Variants in SH3GL2 observed in about 807,000 individuals in gnomAD.
The protein encoded by SH3GL2 is SH3 domain containing GRB2 like 2, endophilin A1.
Under a neutral mutation model 46.0 loss-of-function variants are expected in SH3GL2, and 24 were observed. The ratio of observed to expected loss-of-function variants is 0.52; its 90% CI spans 0.38 to 0.73. SH3GL2 has a LOEUF of 0.73. Ranked by LOEUF, SH3GL2 falls within the 30% of genes least tolerant of loss-of-function variation. The pLI is 0.00. For synonymous variants in SH3GL2, 196 were observed against 147.1 expected (o/e 1.33, Z -2.40); for missense variants, 413 against 424.2 (o/e 0.97, Z 0.23).
At chr9:17,762,528 C>G (rs1456459696) in intron 3 of SH3GL2, among the ~76,000 whole-genome samples, 5 of 152,110 alleles carry the variant, frequency 3.3e-5, no homozygotes, top group Non-Finnish European at 7.3e-5. Flanking sequence ...TCACCTATGA[C>G]CAGCCCAGCT....
intron 2 of SH3GL2, among the ~76,000 whole-genome samples, chr9:17,751,427 A>C (rs1822839343): frequency 6.6e-6 from 1 of 152,028 alleles, no homozygotes; most frequent in South Asian, 2.1e-4. Context: ...CAATATAAGA[A>C]AAACTTTTGG....
At chr9:17,579,667 C>T (rs1288128103) in intron 1 of SH3GL2, among the ~76,000 whole-genome samples, 6 of 152,194 alleles carry the variant, frequency 3.9e-5, no homozygotes, top group African/African-American at 1.2e-4. Flanking sequence ...TCACGGGTGA[C>T]CTTGCGGAGT....
intron 1 of SH3GL2, among the ~76,000 whole-genome samples, chr9:17,607,280 C>G (rs560250394): frequency 6.6e-6 from 1 of 152,264 alleles, no homozygotes; most frequent in East Asian, 1.9e-4. Flanking sequence ...AGCATATTAC[C>G]ATACTGAATG....
chr9:17,696,986 G>A (rs1768190979), intron 1 of SH3GL2, among the ~76,000 whole-genome samples: 2 of 151,988 alleles, frequency 1.3e-5, no homozygotes, highest in Admixed American at 1.3e-4. Flanking sequence ...AGAAATAAAG[G>A]ATGCCCTTCT....
intron 8 of SH3GL2, among the ~76,000 whole-genome samples, chr9:17,793,871 A>G (rs1401235586): frequency 1.3e-5 from 2 of 152,210 alleles, no homozygotes; most frequent in Non-Finnish European, 2.9e-5. Context: ...TCCAGCCTGT[A>G]TGACAGTGAA....
intron 1 of SH3GL2, among the ~76,000 whole-genome samples, chr9:17,708,393 T>C (rs1821530698): frequency 6.6e-6 from 1 of 152,084 alleles, no homozygotes; most frequent in South Asian, 2.1e-4. Context: ...GTCAGATGTT[T>C]CTAGAGAAAC....
At chr9:17,755,919 G>A in intron 2 of SH3GL2, 1 of 214,946 alleles carries the variant, frequency 4.7e-6, no homozygotes, top group Non-Finnish European at 8.0e-6. Flanking sequence ...TCTAAAGACT[G>A]AGACAGCTGG....
intron 1 of SH3GL2, chr9:17,653,782 A>G: frequency 9.0e-6 from 5 of 552,814 alleles, no homozygotes; most frequent in Middle Eastern, 8.8e-4. Flanking sequence ...AAGCAGTTCA[A>G]TTTGAGGGTG....
intron 1 of SH3GL2, among the ~76,000 whole-genome samples, chr9:17,597,416 C>A (rs1170942558): frequency 3.3e-5 from 5 of 151,946 alleles, no homozygotes; most frequent in Non-Finnish European, 5.9e-5. Context: ...ACTCGGGAGG[C>A]CGAGGCAGGA....
rs770976387 is a variant in SH3GL2, at chr9:17,795,620, A to G, written c.936A>G (p.Lys312=). 7.4e-6 allele frequency: 12 copies of G among 1,613,914 alleles called. No homozygotes were observed. The highest frequency in any genetic ancestry group is 1.0e-5 in the Non-Finnish European group (12 of 1,179,902). ...AAAATGAAGGGGAGTTGGGATTTAA[A>G]GAGGGCGATATCATCACACTCACTA... ...EPENEGELGF[K]EGDIITLTNQ... is the part of the protein sequence containing the mutation. The change falls in exon 9 of 9, where the codon AAA becomes AAG. Residue 312 remains lysine (K), a synonymous_variant. Coordinates refer to ENST00000380607, the MANE Select transcript of SH3GL2 (RefSeq NM_003026.5).
chr9:17,628,680 G>A (rs1054830028), intron 1 of SH3GL2, among the ~76,000 whole-genome samples: 1 of 151,820 alleles, frequency 6.6e-6, no homozygotes, highest in African/African-American at 2.4e-5. Flanking sequence ...TTTTAAATGG[G>A]TAGCTTTAAT....
chr9:17,632,948 G>A (rs950575939), intron 1 of SH3GL2, among the ~76,000 whole-genome samples: 1 of 152,194 alleles, frequency 6.6e-6, no homozygotes, highest in Non-Finnish European at 1.5e-5. Flanking sequence ...ATGAAAAAAG[G>A]AGAGTATTAG....
Position 17,719,615 on chromosome 9 carries a change from C to A in SH3GL2, c.46-27451C>A, listed in dbSNP as rs544486908. 5.9e-5 allele frequency among the ~76,000 whole-genome samples: 9 copies of A among 152,044 alleles called. No individual in the cohort carries two copies. In the East Asian group the frequency reaches 9.7e-4, roughly 16 times the overall value. ...TCCCAGCCTGGGCAACATAACAAGA[C>A]CCTGTCTCTACCAAAAAATAAAAAA... On this transcript the variant is annotated intron_variant, in intron 1 of 8. Transcript: ENST00000380607.
chr9:17,788,470 A>G (rs1824025572), intron 5 of SH3GL2, among the ~76,000 whole-genome samples: 1 of 151,880 alleles, frequency 6.6e-6, no homozygotes, highest in Non-Finnish European at 1.5e-5. Flanking sequence ...CTTTGTTTTC[A>G]TTTCCTTTCA....
intron 1 of SH3GL2, among the ~76,000 whole-genome samples, chr9:17,652,372 T>A (rs2134667997): frequency 6.6e-6 from 1 of 152,192 alleles, no homozygotes; most frequent in South Asian, 2.1e-4. Context: ...ATGTGCAGTC[T>A]CTTCTAGTCA....
intron 3 of SH3GL2, among the ~76,000 whole-genome samples, chr9:17,781,684 G>A (rs115984338): frequency 9.4e-4 from 143 of 152,202 alleles, no homozygotes; most frequent in African/African-American, 2.8e-3. Flanking sequence ...AGCAGTATTT[G>A]AGAGTTCTGG....
chr9:17,687,085 G>T (rs970228231), intron 1 of SH3GL2, among the ~76,000 whole-genome samples: 2 of 151,948 alleles, frequency 1.3e-5, no homozygotes, highest in Non-Finnish European at 1.5e-5. Context: ...TAAATAAGCT[G>T]GTAATAGTAA....
rs1182116635 is a variant in SH3GL2 at position 17,795,623 on chromosome 9, G to C, written c.939G>C (p.Glu313Asp). 3.1e-6 allele frequency: 5 copies of C among 1,614,012 alleles called. No homozygotes were observed. Among genetic ancestry groups the C allele is most frequent in the Non-Finnish European group, 4.2e-6 (5 of 1,179,902 alleles). The change falls in exon 9 of 9, where the codon GAG (glutamate) becomes GAC (aspartate). Residue 313 changes from glutamate to aspartate, a missense_variant. Transcript: ENST00000380607. Reference sequence around the variant, plus strand: ...ATGAAGGGGAGTTGGGATTTAAAGAGGGCGATATCATCACACTCACTAACC... The same window carrying C: ...ATGAAGGGGAGTTGGGATTTAAAGACGGCGATATCATCACACTCACTAACC... ...PENEGELGFK[E>D]GDIITLTNQI...
At chr9:17,642,821 T>C (rs1052732580) in intron 1 of SH3GL2, among the ~76,000 whole-genome samples, 12 of 152,346 alleles carry the variant, frequency 7.9e-5, no homozygotes, top group African/African-American at 2.9e-4. Flanking sequence ...TAGGATTGTC[T>C]TGGCTATATG....
Sources: gnomAD v4.1 joint callset for allele counts (sites outside exome capture counted in the v4.1 genomes callset) on GRCh38, gnomAD v4.1.1 for gene constraint, MANE v1.5 for transcripts, NCBI Gene and HGNC (gene_info 2026-07-23, HGNC 2026-07-21) for gene names.